The following ATXN1 variants were observed in gnomAD, a reference collection of about 807,000 sequenced individuals.
The protein encoded by ATXN1 is ataxin-1.
A neutral mutation model predicts 56.4 loss-of-function variants in ATXN1; 8 were observed. The observed-to-expected ratio is 0.14, with a 90% CI of 0.08 to 0.26. The LOEUF (loss-of-function observed/expected upper bound fraction) is 0.26, where lower values mean the gene tolerates loss of function less well. ATXN1 is among the 10% of genes least tolerant of loss of function. The pLI is 1.00. For synonymous variants in ATXN1, 514 were observed against 494.6 expected (o/e 1.04, Z -0.52); for missense variants, 987 against 1,106.5 (o/e 0.89, Z 1.53).
intron 6 of ATXN1, among the ~76,000 whole-genome samples, chr6:16,455,643 T>C (rs2113618493): frequency 6.6e-6 from 1 of 152,320 alleles, no homozygotes; most frequent in South Asian, 2.1e-4. Flanking sequence ...TCATTCATAA[T>C]CGTGAATGGG....
chr6:16,625,039 T>C (rs1763383650), intron 3 of ATXN1, among the ~76,000 whole-genome samples: 2 of 152,218 alleles, frequency 1.3e-5, no homozygotes, highest in Admixed American at 6.5e-5. Flanking sequence ...AATAAAAAAC[T>C]GTCAACGATT....
At chr6:16,364,938 A>G (rs193173100) in intron 6 of ATXN1, among the ~76,000 whole-genome samples, 1 of 152,314 alleles carries the variant, frequency 6.6e-6, no homozygotes, top group African/African-American at 2.4e-5. Flanking sequence ...CTACAGCTAA[A>G]AGGCAGTTGC....
chr6:16,591,196 A>G (rs570715071), intron 3 of ATXN1, among the ~76,000 whole-genome samples: 15 of 152,242 alleles, frequency 9.9e-5, no homozygotes, highest in Non-Finnish European at 1.9e-4. Flanking sequence ...GTCTCCAGCA[A>G]TCTTCCCACC....
At chr6:16,703,565 A>G (rs1011724613) in intron 2 of ATXN1, among the ~76,000 whole-genome samples, 1 of 152,228 alleles carries the variant, frequency 6.6e-6, no homozygotes, top group African/African-American at 2.4e-5. Context: ...AAAATCATGT[A>G]AACAAAAGAC....
At chr6:16,578,349 T>G (rs978816612) in intron 4 of ATXN1, among the ~76,000 whole-genome samples, 2 of 152,238 alleles carry the variant, frequency 1.3e-5, no homozygotes, top group African/African-American at 4.8e-5. Flanking sequence ...TTGCTGCACA[T>G]ATTGCTGAGT....
chr6:16,585,452 T>C (rs971750631), intron 4 of ATXN1, among the ~76,000 whole-genome samples: 1 of 152,200 alleles, frequency 6.6e-6, no homozygotes, highest in African/African-American at 2.4e-5. Context: ...ACTTCTACAA[T>C]CTCTACTACC....
chr6:16,670,774 A>C lies in ATXN1; in HGVS notation c.-614-12873T>G, dbSNP rs1424199720. ...AAATAAAATGATTTTGGATATTTTT[A>C]AGCAGTTACTAAAACAGAAACAAAT... On this transcript the variant is annotated intron_variant, in intron 2 of 7. Coordinates refer to ENST00000436367, the MANE Select transcript of ATXN1 (RefSeq NM_001128164.2). 2.0e-5 allele frequency among the ~76,000 whole-genome samples: 3 copies of C among 152,352 alleles called. No homozygotes were observed. The East Asian group carries it at 5.8e-4, about 29-fold the overall frequency.
chr6:16,361,009 C>T (rs576020571), intron 6 of ATXN1, among the ~76,000 whole-genome samples: 9 of 152,316 alleles, frequency 5.9e-5, no homozygotes, highest in Middle Eastern at 3.4e-3. Context: ...CAAGATGTAG[C>T]TCGCAGCTTC....
rs368869675 is a variant in ATXN1 at position 16,538,874 on chromosome 6, C to T, written c.-360-16186G>A. 3.9e-5 allele frequency among the ~76,000 whole-genome samples: 6 copies of T among 152,276 alleles called. No homozygotes were observed. The East Asian group carries it at 1.2e-3, about 29-fold the overall frequency. On this transcript the variant is annotated intron_variant, in intron 4 of 7. Transcript: ENST00000436367. ...CTAATTCTTGTTTTTTCAGTAGAGA[C>T]AGGGTTTCACCATGTTGTCCAGGAT...
rs1015671570 is a variant in ATXN1 at position 16,326,112 on chromosome 6, A to G, written c.1917+282T>C. Among the ~76,000 whole-genome samples the G allele has an allele frequency of 6.6e-6, 1 of 152,148 alleles. No homozygotes were observed. The highest frequency in any genetic ancestry group is 2.4e-5 in the African/African-American group (1 of 41,410). On this transcript the variant is annotated intron_variant, in intron 7 of 7. Coordinates refer to ENST00000436367, the MANE Select transcript of ATXN1 (RefSeq NM_001128164.2). This position sits in a 1 kb window ranked among gnomAD's most constrained non-coding sequence, Gnocchi z 6.6. Reference sequence around the variant, plus strand: ...CAGGGTTCCTCATCTTAATCACAGAATTCAAAAAATAACTAGAGTGGTGAG... The same window carrying G: ...CAGGGTTCCTCATCTTAATCACAGAGTTCAAAAAATAACTAGAGTGGTGAG...
At chr6:16,373,669 T>C (rs1308394074) in intron 6 of ATXN1, among the ~76,000 whole-genome samples, 1 of 152,234 alleles carries the variant, frequency 6.6e-6, no homozygotes, top group Admixed American at 6.5e-5. Flanking sequence ...TCACGAGATC[T>C]GATTGTTTTA....
intron 6 of ATXN1, among the ~76,000 whole-genome samples, chr6:16,376,274 A>T (rs1479987867): frequency 6.6e-6 from 1 of 152,100 alleles, no homozygotes; most frequent in Admixed American, 6.5e-5. Context: ...AAAAAATTAC[A>T]CTCTGGACTG....
chr6:16,514,595 G>A (rs1015547823), intron 5 of ATXN1, among the ~76,000 whole-genome samples: 1 of 152,150 alleles, frequency 6.6e-6, no homozygotes, highest in Admixed American at 6.5e-5. Flanking sequence ...ACCTTGGGGA[G>A]GGAGGGCTCG....
intron 6 of ATXN1, among the ~76,000 whole-genome samples, chr6:16,382,882 T>C (rs1220567670): frequency 1.2e-5 from 1 of 82,050 alleles, no homozygotes; most frequent in African/African-American, 4.8e-5. Flanking sequence ...TGGGAAGGCC[T>C]GGATGGCAGA....
chr6:16,645,767 T>C lies in ATXN1; in HGVS notation c.-489+12009A>G, dbSNP rs57381204. ...AGGCAAAAAGGAGTTGCTCAGTAAC[T>C]TAACCAGTTTATTTCTTCTTTAAAA... On this transcript the variant is annotated intron_variant, in intron 3 of 7. Coordinates refer to ENST00000436367, the MANE Select transcript of ATXN1 (RefSeq NM_001128164.2). 8.6e-3 allele frequency among the ~76,000 whole-genome samples: 1,311 copies of C among 152,364 alleles called. 21 individuals are homozygous for C. The highest frequency in any genetic ancestry group is 0.03 in the African/African-American group (1,245 of 41,586).
intron 1 of ATXN1, chr6:16,761,065 T>TAC (rs3831007): frequency 0.015 from 4,738 of 322,228 alleles, 17 homozygotes; most frequent in Middle Eastern, 0.021. Context: ...TGTACACACA[T>TAC]ACACACACAC....
At chr6:16,473,751 C>A (rs1760268637) in intron 6 of ATXN1, among the ~76,000 whole-genome samples, 1 of 152,174 alleles carries the variant, frequency 6.6e-6, no homozygotes, top group African/African-American at 2.4e-5. Context: ...TGACCTGAGC[C>A]TCTGTCTTTT....
chr6:16,476,887 G>A (rs1271598179), intron 6 of ATXN1, among the ~76,000 whole-genome samples: 1 of 152,174 alleles, frequency 6.6e-6, no homozygotes, highest in African/African-American at 2.4e-5. Flanking sequence ...TGCTAGAAAT[G>A]GTCAGTTACA....
rs1763865267 is a variant in ATXN1 at position 16,649,949 on chromosome 6, T to A, written c.-489+7827A>T. On this transcript the variant is annotated intron_variant, in intron 3 of 7. Transcript: ENST00000436367. ...ACACAGCAAGAGGATAATTTCTGTTTTGTTTTTTTTTTTCCTTGAGACGAG... is the reference window on the plus strand; with the variant it reads ...ACACAGCAAGAGGATAATTTCTGTTATGTTTTTTTTTTTCCTTGAGACGAG... 2.1e-5 allele frequency among the ~76,000 whole-genome samples: 3 copies of A among 143,074 alleles called. No individual in the cohort carries two copies. In the Admixed American group the frequency reaches 2.1e-4, roughly 10 times the overall value. 93.9% of individuals were successfully genotyped at this position (143,074 alleles called of 152,430 possible).
Sources: allele counts gnomAD v4.1 joint callset (sites outside exome capture counted in the v4.1 genomes callset), GRCh38; gene constraint gnomAD v4.1.1; non-coding constraint Gnocchi (gnomAD v3.1); transcripts MANE v1.5; gene names NCBI Gene and HGNC (gene_info 2026-07-23, HGNC 2026-07-21).